TULP4: variants seen among roughly 807,000 people sequenced by gnomAD.
The protein encoded by TULP4 is tubby-related protein 4.
A neutral mutation model predicts 129.0 loss-of-function variants in TULP4; 16 were observed. That is an observed-to-expected ratio of 0.12 (90% CI 0.08 to 0.19). TULP4 has a LOEUF of 0.19. Among genes scored for constraint, TULP4 ranks in the 10% least tolerant of loss-of-function variants. TULP4 has a pLI of 1.00. For synonymous variants in TULP4, 998 were observed against 854.0 expected (o/e 1.17, Z -2.94); for missense variants, 1,842 against 2,059.1 (o/e 0.89, Z 2.04).
chr6:158,489,572 G>T lies in TULP4; in HGVS notation c.1487-16G>T, dbSNP rs202005643. ...ATATAACTTCCCTTGAAATCTGCTG[G>T]TTGGTGTTTTACCAGATGAAATCTA... On this transcript the variant is annotated splice_polypyrimidine_tract_variant and intron_variant, in intron 8 of 13. Coordinates refer to ENST00000367097, the MANE Select transcript of TULP4 (RefSeq NM_020245.5). 1.2e-6 allele frequency: 2 copies of T among 1,613,970 alleles called. No homozygotes were observed. The highest frequency in any genetic ancestry group is 8.5e-7 in the Non-Finnish European group (1 of 1,180,000).
chr6:158,458,974 A>G (rs1290626239), intron 5 of TULP4, among the ~76,000 whole-genome samples: 3 of 152,210 alleles, frequency 2.0e-5, no homozygotes, highest in Admixed American at 1.3e-4. Flanking sequence ...TTTATGCTAA[A>G]TCATCAGAGG....
At chr6:158,499,194 C>T (rs1027425615) in intron 12 of TULP4, among the ~76,000 whole-genome samples, 1 of 152,138 alleles carries the variant, frequency 6.6e-6, no homozygotes, top group African/African-American at 2.4e-5. Flanking sequence ...TTGATCTAGG[C>T]CAGCTTTCAT....
At chr6:158,424,853 A>T (rs1778438013) in intron 2 of TULP4, among the ~76,000 whole-genome samples, 2 of 151,968 alleles carry the variant, frequency 1.3e-5, no homozygotes, top group African/African-American at 2.4e-5. Flanking sequence ...CATTATGGAA[A>T]TGCAAGTTAG....
At chr6:158,336,991 T>C (rs982445067) in intron 1 of TULP4, among the ~76,000 whole-genome samples, 5 of 152,078 alleles carry the variant, frequency 3.3e-5, no homozygotes, top group African/African-American at 7.2e-5. Context: ...GCTGAAGTTA[T>C]TTGGAAAGGA....
At chr6:158,349,063 C>T (rs1452483584) in intron 1 of TULP4, among the ~76,000 whole-genome samples, 5 of 58,070 alleles carry the variant, frequency 8.6e-5, no homozygotes, top group Admixed American at 1.8e-4. Context: ...CCAGACGGGG[C>T]GGCCAGGCAG....
chr6:158,454,018 A>ACCCCCC (rs1554293006), intron 5 of TULP4, among the ~76,000 whole-genome samples: 2 of 114,656 alleles, frequency 1.7e-5, no homozygotes, highest in African/African-American at 3.5e-5. Context: ...CTGCCTCTGC[A>ACCCCCC]CCGCCCCCCC....
chr6:158,361,096 C>A (rs1233742876), intron 1 of TULP4, among the ~76,000 whole-genome samples: 2 of 152,080 alleles, frequency 1.3e-5, no homozygotes, highest in South Asian at 2.1e-4. Flanking sequence ...TTGTAACATT[C>A]ATCTTGGATT....
intron 1 of TULP4, among the ~76,000 whole-genome samples, chr6:158,327,762 A>C (rs1779778943): frequency 6.6e-6 from 1 of 151,472 alleles, no homozygotes; most frequent in Non-Finnish European, 1.5e-5. Flanking sequence ...TTCTGTGTGA[A>C]TCTCCCCACC....
At chr6:158,318,749 A>G (rs1396053303) in intron 1 of TULP4, among the ~76,000 whole-genome samples, 1 of 152,060 alleles carries the variant, frequency 6.6e-6, no homozygotes, top group Non-Finnish European at 1.5e-5. Context: ...TTTTTCAGAC[A>G]GAGCTTCGCT....
At chr6:158,279,309 G>C (rs921935060), upstream of TULP4, among the ~76,000 whole-genome samples, 3 of 152,096 alleles carry the variant, frequency 2.0e-5, no homozygotes, top group African/African-American at 7.2e-5. Context: ...AATTATATAT[G>C]CTTTCTACCG....
At chr6:158,494,919 G>T in intron 11 of TULP4, 73 bp downstream of exon 11, 1 of 1,278,876 alleles carries the variant, frequency 7.8e-7, no homozygotes. Flanking sequence ...ACCTTTAGTG[G>T]CTTAAACTAG....
chr6:158,494,671 A>T, intron 10 of TULP4, 82 bp from the exon 11 acceptor site: 1 of 1,290,812 alleles, frequency 7.7e-7, no homozygotes. Flanking sequence ...TAAGTAATAA[A>T]TATTAACATT....
At chr6:158,249,923 A>C (rs987566713) in intron 1 of TULP4, among the ~76,000 whole-genome samples, 1 of 152,228 alleles carries the variant, frequency 6.6e-6, no homozygotes, top group Non-Finnish European at 1.5e-5. Context: ...ATTTTTGTGC[A>C]AGAAATTTGA....
At chr6:158,432,466 T>A (rs1036688686) in intron 3 of TULP4, among the ~76,000 whole-genome samples, 1 of 152,176 alleles carries the variant, frequency 6.6e-6, no homozygotes, top group Non-Finnish European at 1.5e-5. Flanking sequence ...CTGCCTTTAA[T>A]GTGAGTTAAA....
At chr6:158,351,846 C>T (rs550238641) in intron 1 of TULP4, among the ~76,000 whole-genome samples, 5 of 150,996 alleles carry the variant, frequency 3.3e-5, no homozygotes, top group East Asian at 1.9e-4. Flanking sequence ...CTCAGCCTCC[C>T]GAGTAGCTGG....
chr6:158,450,409 G>A (rs1779140041), intron 4 of TULP4, among the ~76,000 whole-genome samples: 1 of 152,156 alleles, frequency 6.6e-6, no homozygotes, highest in Admixed American at 6.5e-5. Flanking sequence ...GTCACAGTGT[G>A]TTATGCTTCC....
chr6:158,394,786 CAAAAAAA>C lies in TULP4; in HGVS notation c.253-18257_253-18251del, dbSNP rs71030166. ...TGGGCAACTGAGCAAGGCTCTGTCT[CAAAAAAA>C]AAAAAAAAAAAAAAAAAAAAAGGAA... On this transcript the variant is annotated intron_variant, in intron 1 of 13. Coordinates refer to ENST00000367097, the MANE Select transcript of TULP4 (RefSeq NM_020245.5). Among the ~76,000 whole-genome samples, 215 of 45,984 alleles carry C rather than the reference CAAAAAAA, an allele frequency of 4.7e-3. 4 individuals are homozygous for C. Among genetic ancestry groups the C allele is most frequent in the South Asian group, 7.9e-3 (5 of 636 alleles). The allele number at this position is 45,984 out of a possible 152,430, so 30.2% of individuals were successfully genotyped here.
chr6:158,354,502 G>A (rs973652265), intron 1 of TULP4, among the ~76,000 whole-genome samples: 2 of 152,148 alleles, frequency 1.3e-5, no homozygotes, highest in Admixed American at 1.3e-4. Context: ...ATTTGTAATA[G>A]GCATACTTAA....
intron 1 of TULP4, among the ~76,000 whole-genome samples, chr6:158,244,058 A>G (rs1437832752): frequency 6.6e-6 from 1 of 152,198 alleles, no homozygotes; most frequent in East Asian, 1.9e-4. Context: ...TTCGCATAAC[A>G]TTATGAACGC....
Sources: allele counts gnomAD v4.1 joint callset (sites outside exome capture counted in the v4.1 genomes callset), GRCh38; gene constraint gnomAD v4.1.1; transcripts MANE v1.5; gene names NCBI Gene and HGNC (gene_info 2026-07-23, HGNC 2026-07-21).